The following PLEC variants were observed in gnomAD, a reference collection of about 807,000 sequenced individuals.
PLEC encodes the protein plectin.
In PLEC, 216 loss-of-function variants were observed where a neutral mutation model predicts 392.8. The observed-to-expected ratio is 0.55, with a 90% CI of 0.49 to 0.62. PLEC has a LOEUF of 0.62. Ranked by LOEUF, PLEC falls within the 20% of genes least tolerant of loss-of-function variation. PLEC has a pLI of 0.00. For missense variants in PLEC, 6,863 were observed against 6,563.4 expected, an observed-to-expected ratio of 1.05 and a Z score of -1.58; for synonymous variants, 3,621 against 2,980.6, an observed-to-expected ratio of 1.21 and a Z score of -7.00.
At chr8:143,939,709 A>C, upstream of PLEC, 1 of 1,295,864 alleles carries the variant, frequency 7.7e-7, no homozygotes, top group Non-Finnish European at 1.0e-6. Flanking sequence ...GGCGGGAAGG[A>C]GCAAGCAGCC....
intron 11 of PLEC, 35 bp from the exon 12 acceptor site, chr8:143,934,126 C>G (rs1554720313): frequency 6.2e-7 from 1 of 1,603,396 alleles, no homozygotes; most frequent in South Asian, 1.1e-5. Context: ...GCCGCGTTGG[C>G]CGGGTCCGGC....
rs572363385 is a variant in PLEC, at chr8:143,929,085, G to A, written c.3260+18C>T. 8.9e-5 allele frequency: 139 copies of A among 1,558,130 alleles called. 3 individuals carry two copies. In the South Asian group the frequency reaches 1.4e-3, roughly 16 times the overall value. On this transcript the variant is annotated intron_variant, in intron 25 of 31. Transcript: ENST00000345136. ...CCCAGCCGACCCCAGCCCCTCGCCT[G>A]TGGCCAGGTGCACTCACTTCTCCAG...
rs782223984 is a variant in PLEC, at chr8:143,923,118, C to T, written c.6811G>A (p.Glu2271Lys). 6.2e-7 allele frequency: 1 copy of T among 1,605,070 alleles called. No individual in the cohort carries two copies. The highest frequency in any genetic ancestry group is 8.5e-7 in the Non-Finnish European group (1 of 1,179,876). The stretch of plus-strand genomic sequence containing the variant: ...TCCTCCGCCACCTGCTTCATCTTCT[C>T]AGCCTCCTCCTGCAGGAAGCGCTGC... Reference protein sequence around the residue: ...NTQRFLQEEAEKMKQVAEEAA... With the variant: ...NTQRFLQEEAKKMKQVAEEAA... Residue 2271 changes from glutamate (E) to lysine (K), a missense_variant, in exon 31 of 32, where the codon GAG (glutamate) becomes AAG (lysine). Glu to Lys is a moderately conservative substitution (Grantham distance 56). Transcript: ENST00000345136.
rs782372837 is a variant in PLEC at position 143,927,025 on chromosome 8, C to G, written c.3897G>C (p.Pro1299=). The part of the protein sequence containing the change: ...YKAQLEPVAS[P]AKKPKVQSGS... ...CCGACTGGACCTTGGGCTTCTTGGCCGGGGAGGCCACCGGCTCAAGCTGCG... is the reference window on the plus strand; with the variant it reads ...CCGACTGGACCTTGGGCTTCTTGGCGGGGGAGGCCACCGGCTCAAGCTGCG... Residue 1299 remains proline (P), a synonymous_variant, in exon 29 of 32, where the codon CCG becomes CCC. Coordinates refer to ENST00000345136, the MANE Select transcript of PLEC (RefSeq NM_201384.3). 1 of 1,612,884 alleles carries G rather than the reference C, an allele frequency of 6.2e-7. No individual in the cohort carries two copies. The highest frequency in any genetic ancestry group is 8.5e-7 in the Non-Finnish European group (1 of 1,180,002).
At position 143,973,090 on chromosome 8, in the gene PLEC, T is replaced by C. The variant is rs1833511104; in HGVS notation, c.70+313A>G. Among the ~76,000 whole-genome samples the C allele has an allele frequency of 6.6e-6, 1 of 152,130 alleles. No individual in the cohort carries two copies. Among genetic ancestry groups the C allele is most frequent in the Non-Finnish European group, 1.5e-5 (1 of 67,996 alleles). On this transcript the variant is annotated intron_variant, in intron 1 of 31. Coordinates refer to the PLEC transcript ENST00000356346. This position sits in a 1 kb window ranked among gnomAD's most constrained non-coding sequence, Gnocchi z 5.6. ...ATGGCTCAGCCTTGACCCATGTGTC[T>C]GCTGGCCACAGACACCGGATCCTGG...
rs1054772028 is a variant in PLEC at position 143,920,804 on chromosome 8, G to T, written c.9017C>A (p.Ser3006Tyr). ...GTCCACCTCGGCTACGTCTCGCACA[G>T]AGCGCTCACCTCGCTGCAGCTGCTG... ...LYQQLQRGER[S>Y]VRDVAEVDTV... Residue 3006 changes from serine (S) to tyrosine (Y), a missense_variant, in exon 32 of 32, where the codon TCT becomes TAT. Physicochemically the swap from Ser to Tyr is moderately radical, Grantham distance 144 (BLOSUM62 -2). Coordinates refer to ENST00000345136, the MANE Select transcript of PLEC (RefSeq NM_201384.3). The T allele has an allele frequency of 1.2e-6, 2 of 1,608,006 alleles. No individual in the cohort carries two copies. Among genetic ancestry groups the T allele is most frequent in the Non-Finnish European group, 1.7e-6 (2 of 1,179,928 alleles).
At chr8:143,967,353 A>T (rs1833155755) in intron 1 of PLEC, among the ~76,000 whole-genome samples, 1 of 125,808 alleles carries the variant, frequency 7.9e-6, no homozygotes, top group Non-Finnish European at 1.6e-5. Context: ...ACAGAGCGAG[A>T]CTCCATCTCA....
At chr8:143,943,825 A>G (rs782000907), upstream of PLEC, 1 of 1,612,328 alleles carries the variant, frequency 6.2e-7, no homozygotes, top group South Asian at 1.1e-5. Context: ...AGTGCCACAC[A>G]GCGGCCAGGG....
chr8:143,923,483 C>G lies in PLEC; in HGVS notation c.6446G>C (p.Arg2149Pro), dbSNP rs782514718. 5.0e-6 allele frequency: 8 copies of G among 1,601,246 alleles called. No homozygotes were observed. The South Asian group carries it at 8.8e-5, about 18-fold the overall frequency. Residue 2149 changes from arginine to proline, a missense_variant, in exon 31 of 32, where the codon CGG becomes CCG. Transcript: ENST00000345136. ...RKEAEQEAAR[R>P]AQAEQAALRQ... ...CAGGGCCGCCTGCTCCGCCTGTGCCCGCCGCGCCGCCTCTTGCTCGGCCTC... is the reference window on the plus strand; with the variant it reads ...CAGGGCCGCCTGCTCCGCCTGTGCCGGCCGCGCCGCCTCTTGCTCGGCCTC...
intron 1 of PLEC, among the ~76,000 whole-genome samples, chr8:143,945,861 G>A (rs544841046): frequency 4.6e-5 from 7 of 152,386 alleles, no homozygotes; most frequent in African/African-American, 9.6e-5. Context: ...ACGTGCGGCC[G>A]AGGGAAATGC....
At chr8:143,953,662 C>A, upstream of PLEC, 1 of 1,539,434 alleles carries the variant, frequency 6.5e-7, no homozygotes, top group South Asian at 1.2e-5. Flanking sequence ...GCGTGGACTG[C>A]ACCCAGCCAG....
At position 143,917,204 on chromosome 8, in the gene PLEC, T is replaced by C; in HGVS notation, c.12617A>G (p.Asp4206Gly). ...DRRSGRQYDI[D>G]DAIAKNLIDR... ...GATGAGGTTCTTGGCGATGGCATCA[T>C]CGATGTCGTACTGGCGCCCGGAGCG... Residue 4206 changes from aspartate to glycine, a missense_variant, in exon 32 of 32, where the codon GAT (aspartate) becomes GGT (glycine). Asp to Gly is a moderately conservative substitution (Grantham distance 94). Coordinates refer to ENST00000345136, the MANE Select transcript of PLEC (RefSeq NM_201384.3). 2 of 1,612,898 alleles carry C rather than the reference T, an allele frequency of 1.2e-6. No homozygotes were observed. The highest frequency in any genetic ancestry group is 1.7e-6 in the Non-Finnish European group (2 of 1,179,666).
In PLEC at chr8:143,932,144, G is replaced by A. The variant is rs782788386; in HGVS notation, c.2068C>T (p.Arg690Trp). Residue 690 changes from arginine to tryptophan, a missense_variant, in exon 17 of 32, where the codon CGG (arginine) becomes TGG (tryptophan). Arg to Trp is a moderately radical substitution (Grantham distance 101, BLOSUM62 -3). Transcript: ENST00000345136. ...DRLLREDHPA[R>W]PTVESFQAAL... Reference sequence around the variant, plus strand: ...GGGAGCCCCACCTCCACCGTGGGCCGGGCCGGGTGGTCCTCCCGCAGCAGC... The same window carrying A: ...GGGAGCCCCACCTCCACCGTGGGCCAGGCCGGGTGGTCCTCCCGCAGCAGC... 1.2e-5 allele frequency: 20 copies of A among 1,610,704 alleles called. No homozygotes were observed. Among genetic ancestry groups the A allele is most frequent in the African/African-American group, 8.0e-5 (6 of 74,774 alleles).
upstream of PLEC, chr8:143,975,169 G>T (rs1554745601): frequency 1.1e-5 from 17 of 1,598,094 alleles, no homozygotes; most frequent in Non-Finnish European, 1.4e-5. The surrounding 1 kb of genome is among the most constrained non-coding windows in gnomAD (Gnocchi z 9.9). Flanking sequence ...AAGGCCCTGC[G>T]CAGTTACCTG....
chr8:143,935,198 C>G lies in PLEC; in HGVS notation c.718G>C (p.Asp240His). Residue 240 changes from aspartate to histidine, a missense_variant and splice_region_variant, in exon 7 of 32, where the codon GAC (aspartate) becomes CAC (histidine). Transcript: ENST00000345136. ...AGGGAGGAAGGCCACGCAGACGTACCCTCAGGGTCCAGGAGCCGCGTCACT... is the reference window on the plus strand; with the variant it reads ...AGGGAGGAAGGCCACGCAGACGTACGCTCAGGGTCCAGGAGCCGCGTCACT... ...LGVTRLLDPE[D>H]VDVPQPDEKS... The G allele has an allele frequency of 6.2e-7, 1 of 1,612,478 alleles. No individual in the cohort carries two copies. The highest frequency in any genetic ancestry group is 8.5e-7 in the Non-Finnish European group (1 of 1,179,664).
rs1554669268 is a variant in PLEC, at chr8:143,916,486, G to A, written c.13335C>T (p.Ser4445=). The part of the protein sequence containing the change: ...LTCPKTKLKI[S]YKDALDRSMV... ...TGCTGCGGTCCAGCGCGTCCTTATAGGAGATCTTGAGCTTGGTCTTAGGGC... is the reference window on the plus strand; with the variant it reads ...TGCTGCGGTCCAGCGCGTCCTTATAAGAGATCTTGAGCTTGGTCTTAGGGC... Residue 4445 remains serine (S), a synonymous_variant, in exon 32 of 32, where the codon TCC becomes TCT. Transcript: ENST00000345136. 8.7e-6 allele frequency: 14 copies of A among 1,611,932 alleles called. No homozygotes were observed. Among genetic ancestry groups the A allele is most frequent in the Admixed American group, 6.7e-5 (4 of 59,994 alleles).
chr8:143,950,305 C>A, exon 1 of PLEC: 1 of 1,571,154 alleles, frequency 6.4e-7, no homozygotes. Context: ...GCTGCTCCTC[C>A]GTCGGCAGCG....
At chr8:143,928,973 C>A in intron 25 of PLEC, 130 bp downstream of exon 25, 1 of 848,980 alleles carries the variant, frequency 1.2e-6, no homozygotes, top group Non-Finnish European at 1.9e-6. Flanking sequence ...AGCTGGGCCT[C>A]CCGCCTCCTG....
In PLEC at chr8:143,920,487, G is replaced by T; in HGVS notation, c.9334C>A (p.Gln3112Lys). ...AGGGCCTGGAACAGGGAGACGCTCT[G>T]CCCTGTGTAGGGGTCCCTGTACCCT... ...VTGYRDPYTGQSVSLFQALKK... is the reference protein window; with the variant it reads ...VTGYRDPYTGKSVSLFQALKK... The change falls in exon 32 of 32, where the codon CAG becomes AAG. Residue 3112 changes from glutamine (Q) to lysine (K), a missense_variant. Coordinates refer to ENST00000345136, the MANE Select transcript of PLEC (RefSeq NM_201384.3). 2 of 1,608,192 alleles carry T rather than the reference G, an allele frequency of 1.2e-6. No homozygotes were observed. The highest frequency in any genetic ancestry group is 1.7e-5 in the Admixed American group (1 of 59,930).
Sources: gnomAD v4.1 joint callset for allele counts (sites outside exome capture counted in the v4.1 genomes callset) on GRCh38, gnomAD v4.1.1 for gene constraint, Gnocchi (gnomAD v3.1) non-coding constraint, MANE v1.5 for transcripts, NCBI Gene and HGNC (gene_info 2026-07-23, HGNC 2026-07-21) for gene names.